The following COL1A1 variants were observed in gnomAD, a reference collection of about 807,000 sequenced individuals.
COL1A1 encodes collagen type I alpha 1 chain.
Under a neutral mutation model 195.7 loss-of-function variants are expected in COL1A1, and 21 were observed. That is an observed-to-expected ratio of 0.11 (90% CI 0.08 to 0.15). The LOEUF (loss-of-function observed/expected upper bound fraction) is 0.15. COL1A1 is among the 10% of genes least tolerant of loss of function. The pLI is 1.00. For missense variants in COL1A1, 1,365 were observed against 2,051.0 expected, an observed-to-expected ratio of 0.67 and a Z score of 6.46; for synonymous variants, 749 against 747.3, an observed-to-expected ratio of 1.00 and a Z score of -0.04.
chr17:50,190,779 A>C lies in COL1A1; in HGVS notation c.2343+38T>G. 6.4e-7 allele frequency: 1 copy of C among 1,555,792 alleles called. No homozygotes were observed. Among genetic ancestry groups the C allele is most frequent in the Non-Finnish European group, 8.9e-7 (1 of 1,127,358 alleles). The stretch of plus-strand genomic sequence containing the variant: ...CGTGCCCAGGCCTGCTGAGGAGGCT[A>C]TGTGTTAGGGCAGAAGGTGGGGAGG... On this transcript the variant is annotated intron_variant, in intron 33 of 50. Transcript: ENST00000225964. The surrounding 1 kb of genome is among the most constrained non-coding windows in gnomAD (Gnocchi z 4.7).
chr17:50,188,623 C>G lies in COL1A1; in HGVS notation c.3114G>C (p.Glu1038Asp). Reference protein sequence around the residue: ...GSPGAKGDRGETGPAGPPGAP... With the variant: ...GSPGAKGDRGDTGPAGPPGAP... ...CACCAGGGGGTCCAGCGGGGCCGGT[C>G]TCACCACGGTCACCCTGGCGGGGAG... is the stretch of plus-strand genomic sequence containing the variant. The change falls in exon 43 of 51, where the codon GAG becomes GAC. Residue 1038 changes from glutamate (E) to aspartate (D), a missense_variant. By Grantham distance (45) the Glu-to-Asp change is conservative. Around this residue, in one of 5 missense-constraint regions of COL1A1, gnomAD observed 671 missense variants for 1,099.9 expected, o/e 0.61. Transcript: ENST00000225964. The surrounding 1 kb of genome is among the most constrained non-coding windows in gnomAD (Gnocchi z 5.6). 2.5e-6 allele frequency: 4 copies of G among 1,613,266 alleles called. No individual in the cohort carries two copies. The highest frequency in any genetic ancestry group is 3.4e-6 in the Non-Finnish European group (4 of 1,179,764).
In COL1A1 at chr17:50,194,998, C is replaced by A. The variant is rs769192549; in HGVS notation, c.1353+49G>T. ...CTTTCTGGATTTCCCTCAGGGGGCTCCTAGGGCAGGGTGGGCTGGGCTGCA... is the reference window on the plus strand; with the variant it reads ...CTTTCTGGATTTCCCTCAGGGGGCTACTAGGGCAGGGTGGGCTGGGCTGCA... On this transcript the variant is annotated intron_variant, in intron 20 of 50. Coordinates refer to ENST00000225964, the MANE Select transcript of COL1A1 (RefSeq NM_000088.4). This position sits in a 1 kb window ranked among gnomAD's most constrained non-coding sequence, Gnocchi z 6.8. 12 of 1,594,966 alleles carry A rather than the reference C, an allele frequency of 7.5e-6. No individual in the cohort carries two copies. The South Asian group carries it at 1.3e-4, about 18-fold the overall frequency.
chr17:50,201,515 TCTAGACC>T lies in COL1A1; in HGVS notation c.-9_-3del. ...CCGGAGGTCCACAAAGCTGAACATG[TCTAGACC>T]CTAGACATGTAGACTCTTTGTGGCT... On this transcript the variant is annotated 5_prime_UTR_variant, in exon 1 of 51. The change abolishes the stop of an existing upstream ORF in the 5' untranslated region. Transcript: ENST00000225964. 6.2e-7 allele frequency: 1 copy of T among 1,610,756 alleles called. No homozygotes were observed. The highest frequency in any genetic ancestry group is 8.5e-7 in the Non-Finnish European group (1 of 1,179,820).
chr17:50,197,072 A>T lies in COL1A1; in HGVS notation c.751-9T>A. The T allele has an allele frequency of 6.2e-7, 1 of 1,614,068 alleles. No individual in the cohort carries two copies. The highest frequency in any genetic ancestry group is 8.5e-7 in the Non-Finnish European group (1 of 1,180,020). On this transcript the variant is annotated splice_polypyrimidine_tract_variant and intron_variant, in intron 10 of 50. Coordinates refer to ENST00000225964, the MANE Select transcript of COL1A1 (RefSeq NM_000088.4). The stretch of plus-strand genomic sequence containing the variant: ...GGCAATCCTCGAGCACCCTGGAGAG[A>T]GATGAAGAAGACAAGGAAGGGCCAT...
Position 50,199,429 on chromosome 17 carries a change from G to C in COL1A1, c.358C>G (p.Arg120Gly). 1.2e-6 allele frequency: 2 copies of C among 1,614,066 alleles called. No individual in the cohort carries two copies. Among genetic ancestry groups the C allele is most frequent in the South Asian group, 2.2e-5 (2 of 91,080 alleles). The change falls in exon 4 of 51, where the codon CGA (arginine) becomes GGA (glycine). Residue 120 changes from arginine (R) to glycine (G), a missense_variant. Physicochemically the swap from Arg to Gly is moderately radical, Grantham distance 125. Coordinates refer to ENST00000225964, the MANE Select transcript of COL1A1 (RefSeq NM_000088.4). Reference protein sequence around the residue: ...VEGPKGDTGPRGPRGPAGPPG... With the variant: ...VEGPKGDTGPGGPRGPAGPPG... Reference sequence around the variant, plus strand: ...AGTGCAACGCTTACCCTTGGGCCTCGGGGGCCAGTGTCTCCCTTGGGTCCC... The same window carrying C: ...AGTGCAACGCTTACCCTTGGGCCTCCGGGGCCAGTGTCTCCCTTGGGTCCC...
chr17:50,186,754 T>C lies in COL1A1; in HGVS notation c.3700A>G (p.Thr1234Ala), dbSNP rs1240535124. 6.2e-7 allele frequency: 1 copy of C among 1,613,784 alleles called. No homozygotes were observed. The highest frequency in any genetic ancestry group is 8.5e-7 in the Non-Finnish European group (1 of 1,179,972). The stretch of plus-strand genomic sequence containing the variant: ...ATCTGCTGGCTCAGGCTCTTGAGGG[T>C]GGTGTCCACCTCGAGGTCACGGTCA... ...VRDRDLEVDT[T>A]LKSLSQQIEN... The change falls in exon 48 of 51, where the codon ACC becomes GCC. Residue 1234 changes from threonine to alanine, a missense_variant. This residue lies in a region of COL1A1 where 273 missense variants were observed against 338.6 expected (regional missense o/e 0.81). Transcript: ENST00000225964. The surrounding 1 kb of genome is among the most constrained non-coding windows in gnomAD (Gnocchi z 5.3).
In COL1A1 at chr17:50,189,076, A is replaced by G; in HGVS notation, c.2938-66T>C. The G allele has an allele frequency of 1.3e-6, 2 of 1,574,510 alleles. No individual in the cohort carries two copies. The highest frequency in any genetic ancestry group is 1.1e-5 in the South Asian group (1 of 90,274). On this transcript the variant is annotated intron_variant, in intron 40 of 50. Transcript: ENST00000225964. The surrounding 1 kb of genome is among the most constrained non-coding windows in gnomAD (Gnocchi z 5.5). ...GAGGACCCTTGAGTCCGCTGGAGTC[A>G]TCTCTACCAAATCTGTTCTCCTTGG... is the stretch of plus-strand genomic sequence containing the variant.
Position 50,190,216 on chromosome 17 carries a change from C to A in COL1A1, c.2452-108G>T. On this transcript the variant is annotated intron_variant, in intron 35 of 50. Transcript: ENST00000225964. The surrounding 1 kb of genome is among the most constrained non-coding windows in gnomAD (Gnocchi z 4.7). ...GAAGATGCTTGGGTGGGAAACAATC[C>A]CGTCTCCACCCTTCTCCCCTGAGGA... is the stretch of plus-strand genomic sequence containing the variant. 1 of 1,254,762 alleles carries A rather than the reference C, an allele frequency of 8.0e-7. No homozygotes were observed. Among genetic ancestry groups the A allele is most frequent in the Non-Finnish European group, 1.2e-6 (1 of 854,210 alleles). 77.7% of individuals were successfully genotyped at this position (1,254,762 alleles called of 1,614,324 possible). A position where few individuals can be genotyped will look rare whatever the true frequency, so the allele number is the denominator to read the frequency against.
chr17:50,187,409 T>G, intron 46 of COL1A1, 75 bp downstream of exon 46: 1 of 1,477,630 alleles, frequency 6.8e-7, no homozygotes, highest in Non-Finnish European at 9.4e-7. Context: ...AAAGGGTGCC[T>G]GGGTCCCTGG....
Position 50,194,739 on chromosome 17 carries a change from G to C in COL1A1, c.1443C>G (p.Pro481=), listed in dbSNP as rs770169695. 1.5e-5 allele frequency: 23 copies of C among 1,570,256 alleles called. No individual in the cohort carries two copies. Among genetic ancestry groups the C allele is most frequent in the Non-Finnish European group, 1.7e-5 (20 of 1,157,154 alleles). The change falls in exon 21 of 51, where the codon CCC becomes CCG. Residue 481 remains proline, a synonymous_variant. Coordinates refer to ENST00000225964, the MANE Select transcript of COL1A1 (RefSeq NM_000088.4). This position sits in a 1 kb window ranked among gnomAD's most constrained non-coding sequence, Gnocchi z 6.8. ...ARGEPGPTGL[P]GPPGERGGPG... ...CACTTACACGCTCGCCAGGGGGTCCGGGCAGGCCAGTGGGTCCGGGTTCAC... is the reference window on the plus strand; with the variant it reads ...CACTTACACGCTCGCCAGGGGGTCCCGGCAGGCCAGTGGGTCCGGGTTCAC...
intron 31 of COL1A1, 59 bp downstream of exon 31, chr17:50,191,729 G>A (rs1907093750): frequency 6.6e-7 from 1 of 1,524,164 alleles, no homozygotes; most frequent in Non-Finnish European, 8.9e-7. Context: ...CCCTGCTGCA[G>A]GAGGGGTGAG....
intron 9 of COL1A1, 78 bp downstream of exon 9, chr17:50,197,653 TG>T (rs1907711448): frequency 2.6e-6 from 3 of 1,158,804 alleles, no homozygotes; most frequent in African/African-American, 1.5e-5. Context: ...CGTTCCCAAA[TG>T]TGGTGGAGTG....
At chr17:50,192,959 T>C (rs575276709) in intron 26 of COL1A1, 35 bp downstream of exon 26, 22 of 1,613,220 alleles carry the variant, frequency 1.4e-5, no homozygotes, top group Admixed American at 3.3e-5. Context: ...GGGGCAGCAA[T>C]GGGAAGGAGG....
chr17:50,199,457 T>C lies in COL1A1; in HGVS notation c.334-4A>G, dbSNP rs200621584. 36 of 1,613,684 alleles carry C rather than the reference T, an allele frequency of 2.2e-5. No individual in the cohort carries two copies. The highest frequency in any genetic ancestry group is 1.0e-4 in the Admixed American group (6 of 59,992). ...GGCCAGTGTCTCCCTTGGGTCCCTG[T>C]GGGATTGGGGGAGAAGAAACAAGAG... On this transcript the variant is annotated splice_region_variant and splice_polypyrimidine_tract_variant and intron_variant, in intron 3 of 50. Transcript: ENST00000225964.
Position 50,190,028 on chromosome 17 carries a change from G to T in COL1A1, c.2532C>A (p.Ala844=), listed in dbSNP as rs374158703. 2 of 1,609,588 alleles carry T rather than the reference G, an allele frequency of 1.2e-6. No homozygotes were observed. The highest frequency in any genetic ancestry group is 1.7e-6 in the Non-Finnish European group (2 of 1,178,414). Residue 844 remains alanine, a synonymous_variant, in exon 36 of 51, where the codon GCC becomes GCA. Transcript: ENST00000225964. The surrounding 1 kb of genome is among the most constrained non-coding windows in gnomAD (Gnocchi z 4.7). ...TGGGGCCAGGGGGTCCAGCGGGTCC[G>T]GCAGGGCCAGGGGGACCAGCATCGC... ...AKGDAGPPGP[A]GPAGPPGPIG... is the part of the protein sequence containing the mutation.
Position 50,187,474 on chromosome 17 carries a change from C to T in COL1A1, c.3423+10G>A. On this transcript the variant is annotated intron_variant, in intron 46 of 50. Coordinates refer to ENST00000225964, the MANE Select transcript of COL1A1 (RefSeq NM_000088.4). Reference sequence around the variant, plus strand: ...GGGCTCAGGAAGAGGAGAGAGAAGGCATGACTTACTCGGGGACCAGCAGGA... The same window carrying T: ...GGGCTCAGGAAGAGGAGAGAGAAGGTATGACTTACTCGGGGACCAGCAGGA... 6.2e-7 allele frequency: 1 copy of T among 1,613,992 alleles called. No homozygotes were observed. Among genetic ancestry groups the T allele is most frequent in the Non-Finnish European group, 8.5e-7 (1 of 1,179,948 alleles).
chr17:50,196,129 C>G (rs376795563), intron 15 of COL1A1, 26 bp downstream of exon 15: 121 of 1,613,758 alleles, frequency 7.5e-5, no homozygotes, highest in Non-Finnish European at 9.0e-5. Flanking sequence ...CACTCCCAGG[C>G]CCTGAGGCCT....
In COL1A1 at chr17:50,197,190, G is replaced by A. The variant is rs199626372; in HGVS notation, c.740C>T (p.Pro247Leu). The change falls in exon 10 of 51, where the codon CCT (proline) becomes CTT (leucine). Residue 247 changes from proline to leucine, a missense_variant. Pro to Leu is a moderately conservative substitution (Grantham distance 98, BLOSUM62 -3). Transcript: ENST00000225964. ...CAGCCCCCTGCTCACCTGAGGCCCAGGAGGCCCACGCTCACCAGGACGACC... is the reference window on the plus strand; with the variant it reads ...CAGCCCCCTGCTCACCTGAGGCCCAAGAGGCCCACGCTCACCAGGACGACC... ...KPGRPGERGPPGPQGARGLPG... is the reference protein window; with the variant it reads ...KPGRPGERGPLGPQGARGLPG... 2.9e-4 allele frequency: 472 copies of A among 1,613,640 alleles called. No individual in the cohort carries two copies. The highest frequency in any genetic ancestry group is 8.7e-4 in the Admixed American group (52 of 60,014).
chr17:50,195,260 C>T lies in COL1A1; in HGVS notation c.1271G>A (p.Gly424Asp). 6.2e-7 allele frequency: 1 copy of T among 1,613,224 alleles called. No individual in the cohort carries two copies. The part of the protein sequence containing the change: ...ARGPSGPQGP[G>D]GPPGPKGNSG... ...GTTACCCTTGGGACCAGGAGGGCCG[C>T]CGGGGCCCTGGGGTCCAGAGGGGCC... The change falls in exon 19 of 51, where the codon GGC becomes GAC. Residue 424 changes from glycine (G) to aspartate (D), a missense_variant. Physicochemically the swap from Gly to Asp is moderately conservative, Grantham distance 94. Around this residue, in one of 5 missense-constraint regions of COL1A1, gnomAD observed 226 missense variants for 372.9 expected, o/e 0.61. Coordinates refer to ENST00000225964, the MANE Select transcript of COL1A1 (RefSeq NM_000088.4). The surrounding 1 kb of genome is among the most constrained non-coding windows in gnomAD (Gnocchi z 4.3).
Sources: gnomAD v4.1 joint callset for allele counts on GRCh38, gnomAD v4.1.1 for gene constraint, gnomAD v4.1.1 regional missense constraint, Gnocchi (gnomAD v3.1) non-coding constraint, MANE v1.5 for transcripts, NCBI Gene and HGNC (gene_info 2026-07-23, HGNC 2026-07-21) for gene names.